MCM3AP: variants seen among roughly 807,000 people sequenced by gnomAD.
MCM3AP encodes minichromosome maintenance complex component 3 associated protein, also known as germinal-center associated nuclear protein.
MCM3AP carries 126 observed loss-of-function variants against 184.1 expected under a neutral mutation model. That is an observed-to-expected ratio of 0.68 (90% CI 0.59 to 0.79). MCM3AP has a LOEUF of 0.79. Ranked by LOEUF, MCM3AP falls within the 30% of genes least tolerant of loss-of-function variation. The pLI is 0.00. For missense variants in MCM3AP, 2,496 were observed against 2,479.2 expected, an observed-to-expected ratio of 1.01 and a Z score of -0.14; for synonymous variants, 1,002 against 979.3, an observed-to-expected ratio of 1.02 and a Z score of -0.43.
rs2298697 is a variant in MCM3AP at position 46,240,953 on chromosome 21, G to C, written c.5491C>G (p.Arg1831Gly). The change falls in exon 26 of 28, where the codon CGT becomes GGT. Residue 1831 changes from arginine to glycine, a missense_variant. Physicochemically the swap from Arg to Gly is moderately radical, Grantham distance 125. Around this residue, in one of 5 missense-constraint regions of MCM3AP, gnomAD observed 1,323 missense variants for 1,273.4 expected, o/e 1.04. Transcript: ENST00000291688. ...CACTCTGTGCTCCTCTTCCAGTTAC[G>C]GTGCATGTGAAGCAATGGTATGGGA... is the stretch of plus-strand genomic sequence containing the variant. ...NFPIPLLHMHRNWKRSTECAQ... is the reference protein window; with the variant it reads ...NFPIPLLHMHGNWKRSTECAQ... 4.3e-6 allele frequency: 7 copies of C among 1,614,020 alleles called. No homozygotes were observed. The African/African-American group carries it at 6.7e-5, about 15-fold the overall frequency.
At chr21:46,257,594 ACAACAGTCACTG>A (rs1332542402) in intron 16 of MCM3AP, among the ~76,000 whole-genome samples, 1 of 151,908 alleles carries the variant, frequency 6.6e-6, no homozygotes, top group South Asian at 2.1e-4. Flanking sequence ...TGTCTGTACA[ACAACAGTCACTG>A]CAACAGTCTT....
chr21:46,248,285 A>G (rs1054440589), intron 20 of MCM3AP, among the ~76,000 whole-genome samples: 1 of 152,158 alleles, frequency 6.6e-6, no homozygotes, highest in Non-Finnish European at 1.5e-5. Context: ...GAGGATCCAG[A>G]TGCAGGGCCA....
chr21:46,264,038 TTA>T, intron 13 of MCM3AP, 77 bp downstream of exon 13: 1 of 962,224 alleles, frequency 1.0e-6, no homozygotes, highest in South Asian at 1.5e-5. Flanking sequence ...GCAGGCAACT[TTA>T]TGAGAGGAAA....
chr21:46,262,352 G>A (rs2081051437), intron 13 of MCM3AP, among the ~76,000 whole-genome samples: 1 of 152,134 alleles, frequency 6.6e-6, no homozygotes, highest in South Asian at 2.1e-4. Flanking sequence ...GACACTATAG[G>A]AAAACTACAG....
intron 5 of MCM3AP, among the ~76,000 whole-genome samples, chr21:46,275,886 T>A (rs935404324): frequency 6.6e-6 from 1 of 152,218 alleles, no homozygotes; most frequent in Non-Finnish European, 1.5e-5. Flanking sequence ...AGTTACAATG[T>A]AGCTTGCAAG....
rs920327643 is a variant in MCM3AP, at chr21:46,244,741, C to G, written c.5038+66G>C. The G allele has an allele frequency of 3.3e-6, 5 of 1,519,880 alleles. No individual in the cohort carries two copies. The African/African-American group carries it at 6.9e-5, about 21-fold the overall frequency. The allele number at this position is 1,519,880 out of a possible 1,614,324, so 94.1% of individuals were successfully genotyped here. On this transcript the variant is annotated intron_variant, in intron 23 of 27. Transcript: ENST00000291688. ...CCCAACACCTGCCAGACGGTTACTA[C>G]AGTGAGAAGGAAGCCTGAGACTTGG...
In MCM3AP at chr21:46,242,998, A is replaced by AAC. The variant is rs987619592; in HGVS notation, c.5297-69_5297-68dup. 6.8e-6 allele frequency: 9 copies of AAC among 1,324,350 alleles called. No individual in the cohort carries two copies. In the East Asian group the frequency reaches 7.2e-5, roughly 11 times the overall value. The allele number at this position is 1,324,350 out of a possible 1,614,324, so 82.0% of individuals were successfully genotyped here. A position where few individuals can be genotyped will look rare whatever the true frequency, so the allele number is the denominator to read the frequency against. On this transcript the variant is annotated intron_variant, in intron 24 of 27. Coordinates refer to ENST00000291688, the MANE Select transcript of MCM3AP (RefSeq NM_003906.5). ...CCAACCCTGTCTCAAAAAAAAAAAA[A>AAC]ACACACACAAAAAAACAAAAACAGG...
In MCM3AP at chr21:46,280,152, G is replaced by C; in HGVS notation, c.1523-15C>G. 6.2e-7 allele frequency: 1 copy of C among 1,613,402 alleles called. No individual in the cohort carries two copies. Among genetic ancestry groups the C allele is most frequent in the Non-Finnish European group, 8.5e-7 (1 of 1,179,750 alleles). On this transcript the variant is annotated splice_polypyrimidine_tract_variant and intron_variant, in intron 3 of 27. Transcript: ENST00000291688. ...CTTATTGGGGCCTGTGGACATAGGA[G>C]GCAGAAAAGAGTTTATGCAATCACA...
intron 26 of MCM3AP, among the ~76,000 whole-genome samples, chr21:46,238,770 C>T (rs548081615): frequency 6.6e-6 from 1 of 152,152 alleles, no homozygotes; most frequent in East Asian, 1.9e-4. Flanking sequence ...TTTTAGTAAT[C>T]GGACACATTC....
Position 46,284,360 on chromosome 21 carries a change from T to C in MCM3AP, c.927A>G (p.Ala309=). 1.2e-6 allele frequency: 2 copies of C among 1,614,250 alleles called. No individual in the cohort carries two copies. The highest frequency in any genetic ancestry group is 1.3e-5 in the African/African-American group (1 of 75,064). ...CCCGGGACAGAGGATCCGAATCTTC[T>C]GCTGGCTCGTGGCCATGTCTCCTTG... ...RSPRRHGHEP[A]EDSDPLSRGD... is the part of the protein sequence containing the mutation. Residue 309 remains alanine, a synonymous_variant, in exon 1 of 28, where the codon GCA becomes GCG. Transcript: ENST00000291688.
At position 46,265,600 on chromosome 21, in the gene MCM3AP, G is replaced by A. The variant is rs16979032; in HGVS notation, c.3032-77C>T. 679 of 1,256,888 alleles carry A rather than the reference G, an allele frequency of 5.4e-4. 1 individual carries two copies. In the African/African-American group the frequency reaches 9.1e-3, roughly 17 times the overall value. The allele number at this position is 1,256,888 out of a possible 1,614,324, so 77.9% of individuals were successfully genotyped here. On this transcript the variant is annotated intron_variant, in intron 11 of 27. Transcript: ENST00000291688. ...CACCACGGGGACCGAGGTCTGTGCA[G>A]GGACAGCCCCAGGCCACCCACAGTG...
Position 46,284,892 on chromosome 21 carries a change from C to A in MCM3AP, c.395G>T (p.Gly132Val). 1 of 1,614,178 alleles carries A rather than the reference C, an allele frequency of 6.2e-7. No individual in the cohort carries two copies. The highest frequency in any genetic ancestry group is 8.5e-7 in the Non-Finnish European group (1 of 1,180,032). ...PSTSAFGQEAGEIVNSGFGKT... is the reference protein window; with the variant it reads ...PSTSAFGQEAVEIVNSGFGKT... ...CCCAAAACCAGAGTTCACTATTTCT[C>A]CAGCTTCTTGTCCAAAAGCAGAAGT... is the stretch of plus-strand genomic sequence containing the variant. Residue 132 changes from glycine to valine, a missense_variant, in exon 1 of 28, where the codon GGA (glycine) becomes GTA (valine). Gly to Val is a moderately radical substitution (Grantham distance 109). Around this residue, in one of 5 missense-constraint regions of MCM3AP, gnomAD observed 800 missense variants for 717.1 expected, o/e 1.12. Coordinates refer to ENST00000291688, the MANE Select transcript of MCM3AP (RefSeq NM_003906.5).
At chr21:46,283,022 T>C (rs2081352858) in intron 2 of MCM3AP, among the ~76,000 whole-genome samples, 1 of 151,550 alleles carries the variant, frequency 6.6e-6, no homozygotes, top group African/African-American at 2.4e-5. Flanking sequence ...GCCTCCCGGA[T>C]TCAAGCAATT....
chr21:46,275,353 A>G (rs2081242323), intron 5 of MCM3AP, 28 bp from the exon 6 acceptor site: 1 of 1,600,816 alleles, frequency 6.2e-7, no homozygotes, highest in Non-Finnish European at 8.5e-7. Context: ...AAAGGTAAGA[A>G]TGTACCACAT....
At chr21:46,246,154 G>A (rs2080762804) in intron 22 of MCM3AP, among the ~76,000 whole-genome samples, 153 bp downstream of exon 22, 2 of 152,168 alleles carry the variant, frequency 1.3e-5, no homozygotes, top group Admixed American at 1.3e-4. Flanking sequence ...AGGTTGCAGG[G>A]AGCTATCATC....
intron 9 of MCM3AP, among the ~76,000 whole-genome samples, chr21:46,269,428 C>T (rs559431079): frequency 4.9e-4 from 75 of 152,332 alleles, no homozygotes; most frequent in African/African-American, 1.5e-3. Flanking sequence ...CCAATATTAA[C>T]TACAAGTGGC....
chr21:46,271,213 G>C (rs1032196627), intron 8 of MCM3AP, among the ~76,000 whole-genome samples: 1 of 151,534 alleles, frequency 6.6e-6, no homozygotes, highest in Non-Finnish European at 1.5e-5. Context: ...CCAGGCTGGA[G>C]TGCACTGGCA....
chr21:46,255,126 G>A (rs17183088), intron 17 of MCM3AP, among the ~76,000 whole-genome samples: 38 of 152,266 alleles, frequency 2.5e-4, no homozygotes, highest in African/African-American at 8.7e-4. Context: ...GTGAGGTGTC[G>A]GCACTGTGGG....
In MCM3AP at chr21:46,272,680, G is replaced by A; in HGVS notation, c.2346C>T (p.Cys782=). Residue 782 remains cysteine, a synonymous_variant, in exon 8 of 28, where the codon TGC becomes TGT. Coordinates refer to ENST00000291688, the MANE Select transcript of MCM3AP (RefSeq NM_003906.5). The part of the protein sequence containing the change: ...AKINNENMTK[C]LQSLKEMYQD... ...GGTACATCTCCTTCAGGCTCTGCAG[G>A]CACTTGGTCATGTTCTCATTATTGA... 2.5e-6 allele frequency: 4 copies of A among 1,614,158 alleles called. No homozygotes were observed. Among genetic ancestry groups the A allele is most frequent in the Non-Finnish European group, 3.4e-6 (4 of 1,180,038 alleles).
Sources: gnomAD v4.1 joint callset for allele counts (sites outside exome capture counted in the v4.1 genomes callset) on GRCh38, gnomAD v4.1.1 for gene constraint, gnomAD v4.1.1 regional missense constraint, MANE v1.5 for transcripts, NCBI Gene and HGNC (gene_info 2026-07-23, HGNC 2026-07-21) for gene names.